Variants in SH3BGRL observed in about 807,000 individuals in gnomAD.
The protein encoded by SH3BGRL is adapter SH3BGRL.
In SH3BGRL, 7 loss-of-function variants were observed where a neutral mutation model predicts 9.8. That is an observed-to-expected ratio of 0.72 (90% CI 0.41 to 1.35). The LOEUF (loss-of-function observed/expected upper bound fraction) is 1.35, where lower values mean the gene tolerates loss of function less well. Ranked by LOEUF, SH3BGRL falls within the 40% of genes most tolerant of loss-of-function variation. The pLI is 0.01. For missense variants in SH3BGRL, 73 were observed against 84.4 expected, an observed-to-expected ratio of 0.86 and a Z score of 0.53; for synonymous variants, 36 against 29.1, an observed-to-expected ratio of 1.24 and a Z score of -0.76.
At chrX:81,242,442 A>G (rs928358530) in intron 1 of SH3BGRL, among the ~76,000 whole-genome samples, 1 of 112,309 alleles carries the variant, frequency 8.9e-6, no homozygotes, top group Non-Finnish European at 1.9e-5. Context: ...TAAATATGAG[A>G]TGTCAAAAGT....
intron 3 of SH3BGRL, among the ~76,000 whole-genome samples, chrX:81,292,806 A>G (rs1206667211): frequency 1.8e-5 from 2 of 111,886 alleles, no homozygotes; most frequent in Non-Finnish European, 1.9e-5. Flanking sequence ...TTCTTCCACC[A>G]GAGACCCTAA....
rs188186126 is a variant in SH3BGRL at position 81,237,381 on chromosome X, C to T, written c.45+35136C>T. The T allele has an allele frequency of 2.7e-3, 774 of 284,023 alleles. 4 individuals are homozygous for T. The highest frequency in any genetic ancestry group is 3.3e-3 in the Non-Finnish European group (500 of 149,869). The allele number at this position is 284,023 out of a possible 1,213,427, so 23.4% of individuals were successfully genotyped here. A position where few individuals can be genotyped will look rare whatever the true frequency, so the allele number is the denominator to read the frequency against. Reference sequence around the variant, plus strand: ...AATCACCAGTGTCGCCCATAACTCCCTCCCCGACCAGCAGCAGTTGCATGG... The same window carrying T: ...AATCACCAGTGTCGCCCATAACTCCTTCCCCGACCAGCAGCAGTTGCATGG... On this transcript the variant is annotated intron_variant, in intron 1 of 3. Coordinates refer to ENST00000373212, the MANE Select transcript of SH3BGRL (RefSeq NM_003022.3).
intron 3 of SH3BGRL, among the ~76,000 whole-genome samples, chrX:81,285,522 G>T (rs1483871982): frequency 9.0e-6 from 1 of 111,476 alleles, no homozygotes; most frequent in African/African-American, 3.3e-5. Context: ...CGTGGAAAAA[G>T]CTTCATAGAT....
At chrX:81,236,802 A>T in intron 1 of SH3BGRL, among the ~76,000 whole-genome samples, 1 of 111,118 alleles carries the variant, frequency 9.0e-6, no homozygotes, top group Non-Finnish European at 1.9e-5. Context: ...GTTATAATAC[A>T]CAGGATTCTA....
intron 1 of SH3BGRL, among the ~76,000 whole-genome samples, chrX:81,213,400 A>G (rs1264711005): frequency 8.9e-5 from 10 of 112,337 alleles, no homozygotes; most frequent in African/African-American, 1.3e-4. Flanking sequence ...ATTTCATATG[A>G]TTAATGGTGA....
intron 1 of SH3BGRL, among the ~76,000 whole-genome samples, chrX:81,205,570 G>C (rs7056350): frequency 9.7e-6 from 1 of 103,532 alleles, no homozygotes; most frequent in Non-Finnish European, 2.0e-5. Context: ...TGGACACTTA[G>C]CCACATATCA....
In SH3BGRL at chrX:81,297,342, G is replaced by A; in HGVS notation, c.*115G>A. ...GGCTTAATGTTGAAATAATAGATTA[G>A]TTGGGTTTTCACATGCAAACATTCA... is the stretch of plus-strand genomic sequence containing the variant. On this transcript the variant is annotated 3_prime_UTR_variant, in exon 4 of 4. Transcript: ENST00000373212. The A allele has an allele frequency of 1.8e-6, 1 of 565,355 alleles. No individual in the cohort carries two copies. Among genetic ancestry groups the A allele is most frequent in the Admixed American group, 3.9e-5 (1 of 25,420 alleles). 46.6% of individuals were successfully genotyped at this position (565,355 alleles called of 1,213,427 possible).
intron 1 of SH3BGRL, among the ~76,000 whole-genome samples, chrX:81,209,898 G>T (rs1602592099): frequency 9.0e-6 from 1 of 111,680 alleles, no homozygotes; most frequent in Admixed American, 9.5e-5. Flanking sequence ...ATGCTGGCCT[G>T]TGTTACATAC....
At chrX:81,230,294 T>A (rs187621737) in intron 1 of SH3BGRL, among the ~76,000 whole-genome samples, 2 of 112,368 alleles carry the variant, frequency 1.8e-5, no homozygotes, top group East Asian at 5.6e-4. Flanking sequence ...CTTTCATTAA[T>A]GTTACATTCT....
intron 1 of SH3BGRL, 123 bp downstream of exon 1, chrX:81,202,368 G>T (rs1030077359): frequency 1.0e-6 from 1 of 971,500 alleles, no homozygotes; most frequent in Admixed American, 5.2e-5. Flanking sequence ...ATGCATCCCC[G>T]ATCCCACCCT....
chrX:81,279,507 G>A (rs1024024666), intron 3 of SH3BGRL, among the ~76,000 whole-genome samples: 2 of 111,047 alleles, frequency 1.8e-5, no homozygotes, highest in Non-Finnish European at 3.8e-5. Context: ...CAAATACTGT[G>A]AGTGCCCCAA....
chrX:81,246,848 A>G (rs2075691369), intron 1 of SH3BGRL, among the ~76,000 whole-genome samples: 1 of 112,159 alleles, frequency 8.9e-6, no homozygotes, highest in Non-Finnish European at 1.9e-5. Flanking sequence ...TCTGCGAAGA[A>G]TGTTATTTGT....
At chrX:81,286,052 ATTG>A (rs1437171366) in intron 3 of SH3BGRL, among the ~76,000 whole-genome samples, 11 of 111,838 alleles carry the variant, frequency 9.8e-5, no homozygotes, top group Non-Finnish European at 2.1e-4. Flanking sequence ...AAGACAAATA[ATTG>A]TTGTATTCTT....
intron 1 of SH3BGRL, among the ~76,000 whole-genome samples, chrX:81,232,240 G>A (rs1309651721): frequency 9.0e-6 from 1 of 111,248 alleles, no homozygotes; most frequent in Non-Finnish European, 1.9e-5. Flanking sequence ...TCTAATGCAA[G>A]TTATTTAATT....
chrX:81,223,725 G>A (rs1481842949), intron 1 of SH3BGRL, among the ~76,000 whole-genome samples: 1 of 110,785 alleles, frequency 9.0e-6, no homozygotes, highest in Non-Finnish European at 1.9e-5. Flanking sequence ...CTTTGCGATA[G>A]GGTCACGCTC....
intron 1 of SH3BGRL, among the ~76,000 whole-genome samples, chrX:81,225,571 G>T (rs867521684): frequency 9.0e-5 from 10 of 111,672 alleles, no homozygotes; most frequent in Middle Eastern, 4.6e-3. Flanking sequence ...CCATGTTACT[G>T]CAGAGGACAT....
chrX:81,271,133 C>A (rs994372709), intron 1 of SH3BGRL, among the ~76,000 whole-genome samples: 17 of 111,770 alleles, frequency 1.5e-4, no homozygotes, highest in Admixed American at 1.2e-3. Context: ...GAGTGTACTT[C>A]TCCTCCAGGT....
rs181218847 is a variant in SH3BGRL at position 81,211,875 on chromosome X, C to T, written c.45+9630C>T. On this transcript the variant is annotated intron_variant, in intron 1 of 3. Transcript: ENST00000373212. ...ATGTAAGTTAATACTTAATAAACTCCATATATATATATGTATATACACACA... is the reference window on the plus strand; with the variant it reads ...ATGTAAGTTAATACTTAATAAACTCTATATATATATATGTATATACACACA... Among the ~76,000 whole-genome samples, 8 of 110,231 alleles carry T rather than the reference C, an allele frequency of 7.3e-5. No homozygotes were observed. The East Asian group carries it at 2.0e-3, about 28-fold the overall frequency.
At chrX:81,264,729 G>A (rs1370750973) in intron 1 of SH3BGRL, among the ~76,000 whole-genome samples, 1 of 110,794 alleles carries the variant, frequency 9.0e-6, no homozygotes, top group Non-Finnish European at 1.9e-5. Context: ...TGCCCTTTCT[G>A]TGAAGACTAA....
Sources: gnomAD v4.1 joint callset for allele counts (sites outside exome capture counted in the v4.1 genomes callset) on GRCh38, gnomAD v4.1.1 for gene constraint, MANE v1.5 for transcripts, NCBI Gene and HGNC (gene_info 2026-07-23, HGNC 2026-07-21) for gene names.